The following NDUFC1 variants were observed in gnomAD, a reference collection of about 807,000 sequenced individuals.
The protein encoded by NDUFC1 is NADH dehydrogenase [ubiquinone] 1 subunit C1, mitochondrial.
NDUFC1 carries 11 observed loss-of-function variants against 11.6 expected under a neutral mutation model. That is an observed-to-expected ratio of 0.95 (90% CI 0.60 to 1.58). The LOEUF (loss-of-function observed/expected upper bound fraction) is 1.58. Ranked by LOEUF, NDUFC1 falls within the 40% of genes most tolerant of loss-of-function variation. NDUFC1 has a pLI of 0.00. For synonymous variants in NDUFC1, 52 were observed against 42.2 expected (o/e 1.23, Z -0.90); for missense variants, 112 against 93.0 (o/e 1.20, Z -0.84).
At chr4:139,296,096 A>C in intron 2 of NDUFC1, 136 bp from the exon 3 acceptor site, 1 of 441,154 alleles carries the variant, frequency 2.3e-6, no homozygotes, top group Non-Finnish European at 4.0e-6. Flanking sequence ...ATGAGCCAGA[A>C]GAAAGAAAAG....
At chr4:139,290,949 A>G (rs528636452) in intron 5 of NDUFC1, among the ~76,000 whole-genome samples, 8 of 151,702 alleles carry the variant, frequency 5.3e-5, no homozygotes, top group Admixed American at 3.3e-4. Context: ...AGCTGGGACT[A>G]CGGGCGCGCA....
intron 1 of NDUFC1, among the ~76,000 whole-genome samples, chr4:139,299,331 T>A (rs1355751757): frequency 2.0e-5 from 3 of 151,836 alleles, no homozygotes; most frequent in African/African-American, 7.3e-5. Context: ...ATAGAGAACA[T>A]CTTACATATA....
chr4:139,295,049 C>T lies in NDUFC1; in HGVS notation c.165G>A (p.Trp55Ter), dbSNP rs201035643. Reference sequence around the variant, plus strand: ...CCGGGAGTAAAGTACTTACATAGATCCACAAGAAGACAGTGGTGCCCAAGG... The same window carrying T: ...CCGGGAGTAAAGTACTTACATAGATTCACAAGAAGACAGTGGTGCCCAAGG... ...GFTLGTTVFL[W>*]IYLIKQHNED... Residue 55 changes from tryptophan to a stop codon, truncating the protein, a stop_gained, in exon 4 of 6, where the codon TGG (tryptophan) becomes TGA (stop). Transcript: ENST00000394223. LOFTEE classifies it high-confidence loss of function. The T allele has an allele frequency of 2.5e-6, 4 of 1,613,538 alleles. No individual in the cohort carries two copies. Among genetic ancestry groups the T allele is most frequent in the Non-Finnish European group, 3.4e-6 (4 of 1,179,648 alleles).
At chr4:139,291,412 CAA>C (rs1745212244) in intron 5 of NDUFC1, among the ~76,000 whole-genome samples, 1 of 151,734 alleles carries the variant, frequency 6.6e-6, no homozygotes, top group Non-Finnish European at 1.5e-5. Flanking sequence ...CCGTCTCTAT[CAA>C]AAATACAAAA....
intron 2 of NDUFC1, 79 bp from the exon 3 acceptor site, chr4:139,296,039 C>G: frequency 2.0e-6 from 1 of 505,674 alleles, no homozygotes; most frequent in South Asian, 3.0e-5. Flanking sequence ...GGTTTTTCAC[C>G]CCATCTCTAC....
intron 2 of NDUFC1, among the ~76,000 whole-genome samples, chr4:139,297,169 G>C (rs945447036): frequency 1.3e-5 from 2 of 152,184 alleles, no homozygotes; most frequent in African/African-American, 2.4e-5. Context: ...TACACCATCC[G>C]TTGGAAGCTT....
Position 139,295,715 on chromosome 4 carries a change from A to G in NDUFC1, c.67+17T>C, listed in dbSNP as rs1297362850. ...TAATCTGAGGGTCGAGTCGGCCTGC[A>G]CGAGGAGGATACTCACGGCCGCTCG... On this transcript the variant is annotated intron_variant, in intron 3 of 5. Transcript: ENST00000394223. The G allele has an allele frequency of 1.9e-6, 3 of 1,540,264 alleles. No homozygotes were observed. The South Asian group carries it at 3.6e-5, about 18-fold the overall frequency.
At chr4:139,299,726 C>G (rs965325584) in intron 1 of NDUFC1, among the ~76,000 whole-genome samples, 12 of 152,084 alleles carry the variant, frequency 7.9e-5, no homozygotes, top group African/African-American at 2.7e-4. Flanking sequence ...ATTTGCCGAG[C>G]CTTTAAAATT....
chr4:139,292,993 G>C (rs776258048), intron 4 of NDUFC1, among the ~76,000 whole-genome samples: 2 of 151,982 alleles, frequency 1.3e-5, no homozygotes, highest in East Asian at 3.9e-4. Flanking sequence ...GCTAATTTTT[G>C]TATCTTTAGT....
rs371227076 is a variant in NDUFC1 at position 139,301,881 on chromosome 4, G to A, written c.-222+535C>T. On this transcript the variant is annotated intron_variant, in intron 1 of 5. Transcript: ENST00000394223. The stretch of plus-strand genomic sequence containing the variant: ...GGTGGGGAGGATTTAGCCGGTAACC[G>A]GGCCTGTCACCCCTAACCTCGGCCC... 29 of 1,546,810 alleles carry A rather than the reference G, an allele frequency of 1.9e-5. No homozygotes were observed. The African/African-American group carries it at 3.6e-4, about 19-fold the overall frequency.
intron 1 of NDUFC1, chr4:139,301,745 G>C (rs1168189900): frequency 1.2e-5 from 19 of 1,553,044 alleles, no homozygotes; most frequent in South Asian, 2.4e-5. Flanking sequence ...ACCGAGCCGG[G>C]TGGTGGCGGG....
At chr4:139,300,624 G>C (rs995158659) in intron 1 of NDUFC1, 2 of 152,098 alleles carry the variant, frequency 1.3e-5, no homozygotes, top group African/African-American at 4.8e-5. Flanking sequence ...ACTCCTATTC[G>C]GTATGTAGTC....
At chr4:139,301,767 C>G in intron 1 of NDUFC1, 1 of 1,567,614 alleles carries the variant, frequency 6.4e-7, no homozygotes, top group South Asian at 1.2e-5. Context: ...GCAGCGGGAG[C>G]AGCCGGAACG....
intron 1 of NDUFC1, among the ~76,000 whole-genome samples, chr4:139,297,705 C>T (rs1745525269): frequency 6.6e-6 from 1 of 151,920 alleles, no homozygotes; most frequent in South Asian, 2.1e-4. Flanking sequence ...GTATAAAATG[C>T]AAAAAACAAA....
chr4:139,295,208 C>A (rs1388027580), intron 3 of NDUFC1, 62 bp from the exon 4 acceptor site: 1 of 1,249,766 alleles, frequency 8.0e-7, no homozygotes, highest in Non-Finnish European at 1.2e-6. Flanking sequence ...AAAACCCTAA[C>A]ATTTACGTGC....
At position 139,296,061 on chromosome 4, in the gene NDUFC1, AAG is replaced by A; in HGVS notation, c.-162-103_-162-102del. The A allele has an allele frequency of 1.2e-5, 6 of 480,914 alleles. No individual in the cohort carries two copies. In the South Asian group the frequency reaches 1.9e-4, roughly 15 times the overall value. The allele number at this position is 480,914 out of a possible 1,614,324, so 29.8% of individuals were successfully genotyped here. On this transcript the variant is annotated intron_variant, in intron 2 of 5. Coordinates refer to ENST00000394223, the MANE Select transcript of NDUFC1 (RefSeq NM_001184989.2). Reference sequence around the variant, plus strand: ...CACCCCATCTCTACGGCTATTCATCAAGAGGTTTATTAAAATTTTCCTACATG... The same window carrying A: ...CACCCCATCTCTACGGCTATTCATCAAGGTTTATTAAAATTTTCCTACATG...
In NDUFC1 at chr4:139,298,514, G is replaced by A. The variant is rs1439898581; in HGVS notation, c.-221-1071C>T. ...CACATCTATAATCCCAGCACTTTGG[G>A]AGGCTGCGGTGGGTGGATTGCTTAA... On this transcript the variant is annotated intron_variant, in intron 1 of 5. Coordinates refer to ENST00000394223, the MANE Select transcript of NDUFC1 (RefSeq NM_001184989.2). Among the ~76,000 whole-genome samples, 4 of 151,652 alleles carry A rather than the reference G, an allele frequency of 2.6e-5. 1 individual carries two copies. The highest frequency in any genetic ancestry group is 4.2e-4 in the South Asian group (2 of 4,816).
rs980085462 is a variant in NDUFC1, at chr4:139,289,946, C to T, written c.*167G>A. 6.6e-6 allele frequency: 1 copy of T among 152,132 alleles called. No individual in the cohort carries two copies. Among genetic ancestry groups the T allele is most frequent in the African/African-American group, 2.4e-5 (1 of 41,426 alleles). 9.4% of individuals were successfully genotyped at this position (152,132 alleles called of 1,614,324 possible). On this transcript the variant is annotated 3_prime_UTR_variant, in exon 6 of 6. Coordinates refer to ENST00000394223, the MANE Select transcript of NDUFC1 (RefSeq NM_001184989.2). The stretch of plus-strand genomic sequence containing the variant: ...CACAATATGCTTTATCTGAAGAATA[C>T]AGAAGTATTTTTATTTCTTTTTATT...
intron 1 of NDUFC1, among the ~76,000 whole-genome samples, chr4:139,298,728 CAG>C (rs984059213): frequency 1.3e-5 from 2 of 151,096 alleles, no homozygotes; most frequent in African/African-American, 4.9e-5. Context: ...GGCCGGAGAG[CAG>C]AGGTGTCATC....
Sources: allele counts gnomAD v4.1 joint callset (sites outside exome capture counted in the v4.1 genomes callset), GRCh38; gene constraint gnomAD v4.1.1; transcripts MANE v1.5; gene names NCBI Gene and HGNC (gene_info 2026-07-23, HGNC 2026-07-21).